Variants in PTPRM observed in about 807,000 individuals in gnomAD.
PTPRM encodes receptor-type tyrosine-protein phosphatase mu.
In PTPRM, 47 loss-of-function variants were observed where a neutral mutation model predicts 186.7. The ratio of observed to expected loss-of-function variants is 0.25; its 90% CI spans 0.20 to 0.32. The LOEUF (loss-of-function observed/expected upper bound fraction) is 0.32. Among genes scored for constraint, PTPRM ranks in the 10% least tolerant of loss-of-function variants. The pLI is 1.00. For synonymous variants in PTPRM, 668 were observed against 674.9 expected (o/e 0.99, Z 0.16); for missense variants, 1,494 against 1,865.0 (o/e 0.80, Z 3.66).
In PTPRM at chr18:8,253,371, AGAT is replaced by A; in HGVS notation, c.2714_2716del (p.Met905del). On this transcript the variant is annotated inframe_deletion, in exon 19 of 33. Transcript: ENST00000580170. ...GCAGACCTCCTTCAGCACATCACAC[AGAT>A]GAAGTGTGCGGAGGGCTACGGCTTC... 1 of 1,585,486 alleles carries A rather than the reference AGAT, an allele frequency of 6.3e-7. No individual in the cohort carries two copies. The highest frequency in any genetic ancestry group is 8.6e-7 in the Non-Finnish European group (1 of 1,165,988).
chr18:7,892,798 C>T (rs2049148019), intron 3 of PTPRM, among the ~76,000 whole-genome samples: 1 of 152,204 alleles, frequency 6.6e-6, no homozygotes, highest in Admixed American at 6.5e-5. Context: ...TCCTGGTTTG[C>T]AGATGGTCAT....
intron 7 of PTPRM, among the ~76,000 whole-genome samples, chr18:8,041,111 A>T (rs983964658): frequency 1.3e-5 from 2 of 152,226 alleles, no homozygotes; most frequent in Non-Finnish European, 2.9e-5. Context: ...CTTCAGACTG[A>T]TGTATGAAAT....
chr18:7,830,890 T>C (rs1008695866), intron 2 of PTPRM, among the ~76,000 whole-genome samples: 1 of 152,204 alleles, frequency 6.6e-6, no homozygotes, highest in Non-Finnish European at 1.5e-5. Flanking sequence ...GATTTTTCTG[T>C]AGTCACTGAA....
At chr18:7,909,633 C>T (rs1162155769) in intron 4 of PTPRM, among the ~76,000 whole-genome samples, 1 of 152,012 alleles carries the variant, frequency 6.6e-6, no homozygotes, top group Non-Finnish European at 1.5e-5. Flanking sequence ...AAATTTAAAT[C>T]CTAAAGGAGC....
chr18:8,052,741 T>C (rs1028429456), intron 7 of PTPRM, among the ~76,000 whole-genome samples: 2 of 152,188 alleles, frequency 1.3e-5, no homozygotes, highest in African/African-American at 4.8e-5. Context: ...TAAGGTTAGC[T>C]TTACAAGATG....
intron 1 of PTPRM, among the ~76,000 whole-genome samples, chr18:7,722,703 C>T (rs866359484): frequency 5.7e-4 from 86 of 152,146 alleles, no homozygotes; most frequent in African/African-American, 1.3e-3. Context: ...AAAGACAAAT[C>T]ATAAACTGGG....
intron 1 of PTPRM, among the ~76,000 whole-genome samples, chr18:7,602,409 G>C (rs542229410): frequency 2.2e-3 from 330 of 151,928 alleles, no homozygotes; most frequent in African/African-American, 7.5e-3. Flanking sequence ...TGGGTTATCT[G>C]GGAAGTTTGA....
intron 2 of PTPRM, among the ~76,000 whole-genome samples, chr18:7,822,797 G>A (rs376997349): frequency 6.6e-6 from 1 of 152,076 alleles, no homozygotes; most frequent in East Asian, 1.9e-4. Context: ...GCCTCTCATG[G>A]CTTCCCTGGT....
intron 2 of PTPRM, among the ~76,000 whole-genome samples, chr18:7,783,900 C>T (rs2042978006): frequency 6.6e-6 from 1 of 151,974 alleles, no homozygotes; most frequent in African/African-American, 2.4e-5. Context: ...AGCCACTGTG[C>T]CCAGCCCAGT....
chr18:7,699,114 A>T (rs866410213), intron 1 of PTPRM, among the ~76,000 whole-genome samples: 24 of 152,198 alleles, frequency 1.6e-4, no homozygotes, highest in Middle Eastern at 3.4e-3. Flanking sequence ...CTCTTTTGTG[A>T]ACTGCGCATA....
intron 7 of PTPRM, among the ~76,000 whole-genome samples, chr18:8,022,319 G>C (rs1260741264): frequency 1.3e-5 from 2 of 152,218 alleles, no homozygotes; most frequent in South Asian, 2.1e-4. Context: ...TGTTGCTCTT[G>C]ATACTTCTTT....
At chr18:8,079,024 T>C (rs2145162135) in intron 9 of PTPRM, among the ~76,000 whole-genome samples, 1 of 152,344 alleles carries the variant, frequency 6.6e-6, no homozygotes, top group East Asian at 1.9e-4. Flanking sequence ...GAATATGCTG[T>C]AGCTTTAGAT....
intron 7 of PTPRM, among the ~76,000 whole-genome samples, chr18:8,014,852 A>T (rs1036977585): frequency 6.6e-6 from 1 of 152,134 alleles, no homozygotes; most frequent in Non-Finnish European, 1.5e-5. Context: ...TTTAAGTTGC[A>T]TTTCAATAAG....
intron 7 of PTPRM, among the ~76,000 whole-genome samples, chr18:8,029,391 G>GCCTGGAGTGCCCCTCCCCCACCTGTCCTA (rs2085801072): frequency 6.9e-6 from 1 of 144,356 alleles, no homozygotes; most frequent in Non-Finnish European, 1.5e-5. Context: ...CACTTGTCCT[G>GCCTGGAGTGCCCCTCCCCCACCTGTCCTA]CCTGGAGTGC....
chr18:7,903,487 A>C (rs79481579), intron 3 of PTPRM, among the ~76,000 whole-genome samples: 1 of 152,296 alleles, frequency 6.6e-6, no homozygotes, highest in East Asian at 1.9e-4. Context: ...TGAGGGCCTC[A>C]GGAATGCTTT....
At chr18:8,276,659 T>G (rs865953199) in intron 19 of PTPRM, among the ~76,000 whole-genome samples, 10 of 152,210 alleles carry the variant, frequency 6.6e-5, no homozygotes, top group African/African-American at 2.4e-4. Flanking sequence ...ATCTCATATC[T>G]GTGTCACCAC....
intron 4 of PTPRM, among the ~76,000 whole-genome samples, chr18:7,923,160 C>T (rs185766805): frequency 3.4e-4 from 52 of 152,246 alleles, no homozygotes; most frequent in Non-Finnish European, 6.5e-4. Context: ...GAATAGTGGC[C>T]GCAAGTGCAA....
intron 11 of PTPRM, among the ~76,000 whole-genome samples, chr18:8,099,205 G>A (rs926017180): frequency 1.3e-5 from 2 of 150,216 alleles, no homozygotes; most frequent in African/African-American, 4.9e-5. Flanking sequence ...TCCTAGCTAT[G>A]GCCCAGATGT....
At chr18:7,909,033 G>A (rs1185756931) in intron 4 of PTPRM, among the ~76,000 whole-genome samples, 4 of 152,232 alleles carry the variant, frequency 2.6e-5, no homozygotes, top group Non-Finnish European at 5.9e-5. Context: ...CAAGGCAGAT[G>A]TACTGGGTGC....
Sources: gnomAD v4.1 joint callset for allele counts (sites outside exome capture counted in the v4.1 genomes callset) on GRCh38, gnomAD v4.1.1 for gene constraint, MANE v1.5 for transcripts, NCBI Gene and HGNC (gene_info 2026-07-23, HGNC 2026-07-21) for gene names.